The following POM121C variants were observed in gnomAD, a reference collection of about 807,000 sequenced individuals.
POM121C encodes nuclear envelope pore membrane protein POM 121C.
POM121C carries 20 observed loss-of-function variants against 66.4 expected under a neutral mutation model. The observed-to-expected ratio is 0.30, with a 90% CI of 0.21 to 0.44. POM121C has a LOEUF of 0.44. POM121C is among the 20% of genes least tolerant of loss of function. The pLI, the probability that POM121C is intolerant of heterozygous loss-of-function variation, is 1.00. For missense variants in POM121C, 580 were observed against 1,225.7 expected (o/e 0.47, Z 7.87); for synonymous variants, 286 against 528.0 (o/e 0.54, Z 6.28).
chr7:75,433,581 A>C (rs1279291361), intron 7 of POM121C, among the ~76,000 whole-genome samples: 2 of 152,086 alleles, frequency 1.3e-5, no homozygotes, highest in Non-Finnish European at 2.9e-5. Context: ...GGATAGTCTT[A>C]ATCACCTGAC....
chr7:75,474,574 C>T (rs1216625450), intron 3 of POM121C, 130 bp downstream of exon 3: 17 of 455,152 alleles, frequency 3.7e-5, no homozygotes, highest in South Asian at 1.4e-4. Flanking sequence ...TGTATGTGTG[C>T]GGGAAGGAAA....
At chr7:75,477,848 T>C (rs1792149355) in intron 1 of POM121C, among the ~76,000 whole-genome samples, 1 of 151,946 alleles carries the variant, frequency 6.6e-6, no homozygotes, top group African/African-American at 2.4e-5. Context: ...AATTAACAAG[T>C]ACTGGATATA....
At position 75,439,173 on chromosome 7, in the gene POM121C, G is replaced by A. The variant is rs1308121627; in HGVS notation, c.279C>T (p.Ala93=). Residue 93 remains alanine, a synonymous_variant, in exon 6 of 15, where the codon GCC becomes GCT. Coordinates refer to ENST00000615331, the MANE Select transcript of POM121C (RefSeq NM_001099415.3). ...GCACAAAAGAAGCGGGGACTCCACTGGCCACCAGGGGCTCAAATGCTGAAT... is the reference window on the plus strand; with the variant it reads ...GCACAAAAGAAGCGGGGACTCCACTAGCCACCAGGGGCTCAAATGCTGAAT... ...SGHSAFEPLV[A]SGVPASFVPK... 1 of 1,614,112 alleles carries A rather than the reference G, an allele frequency of 6.2e-7. No homozygotes were observed. Among genetic ancestry groups the A allele is most frequent in the East Asian group, 2.2e-5 (1 of 44,894 alleles).
intron 1 of POM121C, among the ~76,000 whole-genome samples, chr7:75,479,760 C>A (rs1554479865): frequency 2.6e-5 from 4 of 151,872 alleles, no homozygotes; most frequent in Non-Finnish European, 4.4e-5. Flanking sequence ...TGGAAGTGTC[C>A]TATTGTAAGC....
At chr7:75,459,706 C>A in intron 3 of POM121C, among the ~76,000 whole-genome samples, 4 of 131,672 alleles carry the variant, frequency 3.0e-5, no homozygotes, top group South Asian at 2.4e-4. Flanking sequence ...TTTAAAAAAG[C>A]AGTAAGAGGG....
chr7:75,444,278 G>T, intron 3 of POM121C, among the ~76,000 whole-genome samples: 1 of 123,270 alleles, frequency 8.1e-6, no homozygotes. Flanking sequence ...GGCGGAGGGG[G>T]GACTGTGTTG....
intron 3 of POM121C, among the ~76,000 whole-genome samples, chr7:75,454,826 A>G (rs1358701330): frequency 2.6e-5 from 4 of 152,226 alleles, no homozygotes; most frequent in Non-Finnish European, 5.9e-5. Context: ...GAGACCCTGC[A>G]ACTCCACAGG....
At chr7:75,429,036 A>G (rs1322238652) in intron 7 of POM121C, among the ~76,000 whole-genome samples, 2 of 152,130 alleles carry the variant, frequency 1.3e-5, no homozygotes, top group Non-Finnish European at 2.9e-5. Context: ...CAATTAGGGG[A>G]AAAAAGTTAT....
chr7:75,442,584 G>C, intron 3 of POM121C: 1 of 1,493,614 alleles, frequency 6.7e-7, no homozygotes, highest in Non-Finnish European at 8.9e-7. Context: ...ACGAGGTACA[G>C]TAGGAGGCCG....
At chr7:75,456,371 T>C (rs1383336098) in intron 3 of POM121C, among the ~76,000 whole-genome samples, 1 of 152,284 alleles carries the variant, frequency 6.6e-6, no homozygotes, top group Admixed American at 6.5e-5. Context: ...ACAAGCACCA[T>C]GTACCGAGTG....
chr7:75,473,070 A>G (rs1413238687), intron 3 of POM121C, among the ~76,000 whole-genome samples: 10 of 152,224 alleles, frequency 6.6e-5, no homozygotes, highest in Non-Finnish European at 1.3e-4. Flanking sequence ...GACTAGCACA[A>G]TCAAATAGTG....
intron 3 of POM121C, among the ~76,000 whole-genome samples, chr7:75,474,272 A>G (rs587676584): frequency 2.0e-5 from 3 of 152,128 alleles, no homozygotes; most frequent in Non-Finnish European, 2.9e-5. Context: ...CATGTGCCTG[A>G]AATCCCAGCT....
chr7:75,429,035 GAA>G (rs1329029687), intron 7 of POM121C, among the ~76,000 whole-genome samples: 1 of 151,732 alleles, frequency 6.6e-6, no homozygotes, highest in African/African-American at 2.4e-5. Flanking sequence ...ACAATTAGGG[GAA>G]AAAAGTTATT....
At chr7:75,451,237 A>C (rs1791010518) in intron 3 of POM121C, among the ~76,000 whole-genome samples, 1 of 151,920 alleles carries the variant, frequency 6.6e-6, no homozygotes, top group Admixed American at 6.6e-5. Flanking sequence ...AAGCAAAAAG[A>C]ACAAAGGTGG....
At chr7:75,419,593 A>G (rs1789611756) in intron 13 of POM121C, 151 bp from the exon 14 acceptor site, 1 of 880,726 alleles carries the variant, frequency 1.1e-6, no homozygotes, top group Non-Finnish European at 1.7e-6. Context: ...CAGCTGAGCC[A>G]GACAACCGAG....
At chr7:75,474,567 A>G (rs1792002988) in intron 3 of POM121C, 137 bp downstream of exon 3, 1 of 439,562 alleles carries the variant, frequency 2.3e-6, no homozygotes, top group Non-Finnish European at 4.3e-6. Flanking sequence ...GAGTTCATGT[A>G]TGTGTGCGGG....
intron 6 of POM121C, among the ~76,000 whole-genome samples, chr7:75,438,474 T>C (rs1274709041): frequency 1.3e-5 from 2 of 152,180 alleles, no homozygotes; most frequent in Non-Finnish European, 2.9e-5. Context: ...CAAAACCCCA[T>C]CATCCACCAC....
At chr7:75,471,759 A>C (rs1381027707) in intron 3 of POM121C, among the ~76,000 whole-genome samples, 1 of 152,160 alleles carries the variant, frequency 6.6e-6, no homozygotes, top group Non-Finnish European at 1.5e-5. Flanking sequence ...CTCCACACCT[A>C]CTACGCGCTG....
intron 3 of POM121C, among the ~76,000 whole-genome samples, chr7:75,474,483 A>G (rs1211250501): frequency 6.6e-6 from 1 of 152,190 alleles, no homozygotes; most frequent in Non-Finnish European, 1.5e-5. Context: ...AGGAAGAGGA[A>G]GTGAATGGGT....
Sources: gnomAD v4.1 joint callset for allele counts (sites outside exome capture counted in the v4.1 genomes callset) on GRCh38, gnomAD v4.1.1 for gene constraint, MANE v1.5 for transcripts, NCBI Gene and HGNC (gene_info 2026-07-23, HGNC 2026-07-21) for gene names.